SAMTOR: variants seen among roughly 807,000 people sequenced by gnomAD.
SAMTOR encodes S-adenosylmethionine sensor upstream of mTORC1, also known as UPF0532 protein C7orf60.
At chr7:112,842,950 A>C in the SAMTOR span, among the ~76,000 whole-genome samples, 951 of 152,138 alleles carry the variant, frequency 6.3e-3, 3 homozygotes, top group Admixed American at 0.012. Flanking sequence ...TAAAAAACTA[A>C]AACTACAGAA....
chr7:112,930,577 A>C, the SAMTOR span, among the ~76,000 whole-genome samples: 1 of 152,056 alleles, frequency 6.6e-6, no homozygotes, highest in Non-Finnish European at 1.5e-5. Flanking sequence ...TACTGAGAAG[A>C]CTACAGAACA....
chr7:112,873,382 T>C, the SAMTOR span, among the ~76,000 whole-genome samples: 1 of 151,928 alleles, frequency 6.6e-6, no homozygotes, highest in African/African-American at 2.4e-5. Context: ...CATACACTAA[T>C]GGAACAGAAT....
the SAMTOR span, among the ~76,000 whole-genome samples, chr7:112,858,326 G>A: frequency 2.0e-5 from 3 of 151,074 alleles, no homozygotes; most frequent in East Asian, 5.8e-4. Context: ...TGATTATACA[G>A]CCATTAAAAA....
At chr7:112,916,053 G>T in the SAMTOR span, among the ~76,000 whole-genome samples, 1 of 152,178 alleles carries the variant, frequency 6.6e-6, no homozygotes, top group Non-Finnish European at 1.5e-5. Flanking sequence ...TAGGCATAAT[G>T]TAGTTTAAAA....
chr7:112,868,512 C>G, the SAMTOR span, among the ~76,000 whole-genome samples: 4 of 152,066 alleles, frequency 2.6e-5, no homozygotes, highest in Admixed American at 2.0e-4. Flanking sequence ...GGGAGAGCGC[C>G]CTGTTTCTCC....
chr7:112,874,328 T>C, the SAMTOR span, among the ~76,000 whole-genome samples: 1 of 152,132 alleles, frequency 6.6e-6, no homozygotes, highest in South Asian at 2.1e-4. Flanking sequence ...GAAAATGTGA[T>C]ACATGTGTAC....
chr7:112,926,027 G>T, the SAMTOR span, among the ~76,000 whole-genome samples: 1 of 152,124 alleles, frequency 6.6e-6, no homozygotes, highest in Non-Finnish European at 1.5e-5. Flanking sequence ...TTATCTCTAA[G>T]TTCTTATCCC....
At chr7:112,888,200 G>A in the SAMTOR span, among the ~76,000 whole-genome samples, 1 of 152,002 alleles carries the variant, frequency 6.6e-6, no homozygotes, top group Admixed American at 6.6e-5. Flanking sequence ...GCTATTTAGA[G>A]GTGTGATGTT....
At chr7:112,842,686 AGT>A in the SAMTOR span, among the ~76,000 whole-genome samples, 11 of 152,130 alleles carry the variant, frequency 7.2e-5, no homozygotes, top group East Asian at 9.7e-4. Context: ...CAGTTATGAA[AGT>A]GTATGTAAAT....
At chr7:112,860,298 G>GT in the SAMTOR span, among the ~76,000 whole-genome samples, 1 of 152,078 alleles carries the variant, frequency 6.6e-6, no homozygotes, top group Non-Finnish European at 1.5e-5. Context: ...CATCCCTGTT[G>GT]TTAAGTGACA....
chr7:112,909,599 C>A, the SAMTOR span, among the ~76,000 whole-genome samples: 1 of 151,850 alleles, frequency 6.6e-6, no homozygotes, highest in Non-Finnish European at 1.5e-5. Flanking sequence ...AAAAGAACTG[C>A]AAAGAAATCT....
At chr7:112,906,580 T>TC in the SAMTOR span, among the ~76,000 whole-genome samples, 1 of 150,880 alleles carries the variant, frequency 6.6e-6, no homozygotes, top group Non-Finnish European at 1.5e-5. Flanking sequence ...TATCTTTTTT[T>TC]TTTTTTTGAG....
At chr7:112,838,341 T>C in the SAMTOR span, among the ~76,000 whole-genome samples, 1 of 151,960 alleles carries the variant, frequency 6.6e-6, no homozygotes, top group African/African-American at 2.4e-5. Flanking sequence ...TTAATCATGT[T>C]GTTCAAATAT....
At chr7:112,867,244 A>T in the SAMTOR span, among the ~76,000 whole-genome samples, 2 of 152,222 alleles carry the variant, frequency 1.3e-5, no homozygotes, top group East Asian at 3.8e-4. Context: ...AGCTTGCTTA[A>T]AACAGTGAAT....
the SAMTOR span, among the ~76,000 whole-genome samples, chr7:112,887,507 G>A: frequency 6.6e-6 from 1 of 152,154 alleles, no homozygotes; most frequent in South Asian, 2.1e-4. Context: ...GGAACAGATT[G>A]TAGAGAACTG....
the SAMTOR span, among the ~76,000 whole-genome samples, chr7:112,925,772 T>C: frequency 7.1e-6 from 1 of 141,544 alleles, no homozygotes; most frequent in African/African-American, 2.7e-5. Context: ...CCAACCTGGG[T>C]GACAAGAGCC....
chr7:112,852,939 G>C, the SAMTOR span, among the ~76,000 whole-genome samples: 1 of 151,914 alleles, frequency 6.6e-6, no homozygotes, highest in Non-Finnish European at 1.5e-5. Flanking sequence ...CTGTCACCGA[G>C]AAGCAAAAGA....
At chr7:112,901,780 T>C in the SAMTOR span, among the ~76,000 whole-genome samples, 1 of 152,176 alleles carries the variant, frequency 6.6e-6, no homozygotes, top group Admixed American at 6.5e-5. Context: ...TCAAAGAAGA[T>C]ACACAGAGTG....
At chr7:112,860,262 T>C in the SAMTOR span, among the ~76,000 whole-genome samples, 1 of 152,202 alleles carries the variant, frequency 6.6e-6, no homozygotes, top group Non-Finnish European at 1.5e-5. Flanking sequence ...ACACAACGAT[T>C]GACTAATGAC....
Sources: allele counts gnomAD v4.1 joint callset (sites outside exome capture counted in the v4.1 genomes callset), GRCh38; gene constraint gnomAD v4.1.1; transcripts MANE v1.5; gene names NCBI Gene and HGNC (gene_info 2026-07-23, HGNC 2026-07-21).